The following MYLK4 variants were observed in gnomAD, a reference collection of about 807,000 sequenced individuals.
The protein encoded by MYLK4 is myosin light chain kinase family member 4.
Under a neutral mutation model 48.1 loss-of-function variants are expected in MYLK4, and 46 were observed. That is an observed-to-expected ratio of 0.96 (90% confidence interval 0.75 to 1.22). The LOEUF is 1.22. MYLK4 is among the 50% of genes most tolerant of loss of function. The probability of loss-of-function intolerance (pLI) is 0.00; values close to 1 mark genes in which losing one functional copy is unlikely to be tolerated. For missense variants in MYLK4, 451 were observed against 486.1 expected, an observed-to-expected ratio of 0.93 and a Z score of 0.68; for synonymous variants, 170 against 180.8, an observed-to-expected ratio of 0.94 and a Z score of 0.48.
At chr6:2,745,971 G>A (rs1193755456) in intron 2 of MYLK4, among the ~76,000 whole-genome samples, 1 of 151,094 alleles carries the variant, frequency 6.6e-6, no homozygotes. Flanking sequence ...AAAAGAACAA[G>A]GCCGGGCACG....
chr6:2,730,986 T>A (rs1199714986), intron 2 of MYLK4, among the ~76,000 whole-genome samples: 2 of 152,092 alleles, frequency 1.3e-5, no homozygotes, highest in African/African-American at 4.8e-5. Flanking sequence ...GCATCCTGCA[T>A]TAAAATTTAT....
chr6:2,684,918 C>T (rs1274761152), intron 6 of MYLK4, among the ~76,000 whole-genome samples: 1 of 152,190 alleles, frequency 6.6e-6, no homozygotes, highest in African/African-American at 2.4e-5. Flanking sequence ...TAAATGGAAG[C>T]TTCTTAGCCC....
At chr6:2,719,553 T>G (rs1762993900) in intron 2 of MYLK4, among the ~76,000 whole-genome samples, 1 of 152,228 alleles carries the variant, frequency 6.6e-6, no homozygotes, top group Admixed American at 6.5e-5. Flanking sequence ...ATGTGTGGCA[T>G]TTTATAGCCC....
rs912625374 is a variant in MYLK4 at position 2,750,841 on chromosome 6, C to G, written c.-218G>C. ...GAATTCAAACTGACTATGAAAGTCT[C>G]TGGTAAAAGTTTTGACTCTCAGTCG... is the stretch of plus-strand genomic sequence containing the variant. On this transcript the variant is annotated 5_prime_UTR_variant, in exon 1 of 13. Coordinates refer to ENST00000274643, the MANE Select transcript of MYLK4 (RefSeq NM_001012418.5). 2.6e-5 allele frequency: 4 copies of G among 152,614 alleles called. No homozygotes were observed. Among genetic ancestry groups the G allele is most frequent in the Non-Finnish European group, 4.4e-5 (3 of 68,042 alleles). The allele number at this position is 152,614 out of a possible 1,614,324, so 9.5% of individuals were successfully genotyped here.
chr6:2,742,730 A>C (rs1290526589), intron 2 of MYLK4, among the ~76,000 whole-genome samples: 1 of 76,830 alleles, frequency 1.3e-5, no homozygotes. Flanking sequence ...GGGTGGGGGG[A>C]GGGGGGAGGG....
At chr6:2,738,718 A>G (rs1033822637) in intron 2 of MYLK4, among the ~76,000 whole-genome samples, 1 of 152,266 alleles carries the variant, frequency 6.6e-6, no homozygotes. Flanking sequence ...TCATTAAAAC[A>G]TACTTCAGAT....
chr6:2,680,823 T>C (rs540295634), intron 7 of MYLK4, among the ~76,000 whole-genome samples: 43 of 152,306 alleles, frequency 2.8e-4, no homozygotes, highest in Middle Eastern at 3.4e-3. Flanking sequence ...AGGAGGGCTT[T>C]TCTCTCCAGT....
Position 2,685,605 on chromosome 6 carries a change from G to A in MYLK4, c.342-29C>T, listed in dbSNP as rs1395001409. 1 of 1,608,380 alleles carries A rather than the reference G, an allele frequency of 6.2e-7. No individual in the cohort carries two copies. Among genetic ancestry groups the A allele is most frequent in the Non-Finnish European group, 8.5e-7 (1 of 1,175,312 alleles). The stretch of plus-strand genomic sequence containing the variant: ...CCAAAAAGAGGAAGCGGCGTAGCAT[G>A]AGGCCCTGTGGTCAGCTGCCGAGTG... On this transcript the variant is annotated intron_variant, in intron 4 of 12. Coordinates refer to ENST00000274643, the MANE Select transcript of MYLK4 (RefSeq NM_001012418.5). This position sits in a 1 kb window ranked among gnomAD's most constrained non-coding sequence, Gnocchi z 4.5.
the MYLK4 span, among the ~76,000 whole-genome samples, chr6:2,763,944 C>G: frequency 3.3e-5 from 5 of 151,866 alleles, no homozygotes; most frequent in African/African-American, 9.7e-5. Flanking sequence ...GTCGGGAGTT[C>G]GAGGAAGAAA....
intron 2 of MYLK4, among the ~76,000 whole-genome samples, chr6:2,732,112 T>C (rs1418814534): frequency 6.6e-6 from 1 of 152,232 alleles, no homozygotes; most frequent in African/African-American, 2.4e-5. Flanking sequence ...TATGCTGGCC[T>C]TTGGCCAGCC....
chr6:2,724,071 T>C (rs143936852), intron 2 of MYLK4, among the ~76,000 whole-genome samples: 2,448 of 151,868 alleles, frequency 0.016, 56 homozygotes, highest in African/African-American at 0.055. Context: ...AGAGACGGGG[T>C]TTCACCATGT....
At chr6:2,759,243 C>T in the MYLK4 span, among the ~76,000 whole-genome samples, 1 of 152,136 alleles carries the variant, frequency 6.6e-6, no homozygotes, top group East Asian at 1.9e-4. Flanking sequence ...GTGAGGACCA[C>T]TGGTGCACAA....
At chr6:2,769,240 T>C in the MYLK4 span, among the ~76,000 whole-genome samples, 3 of 152,216 alleles carry the variant, frequency 2.0e-5, no homozygotes. Context: ...TTTTAAAAAT[T>C]ACTTTAACAG....
At chr6:2,726,858 C>T (rs1189808238) in intron 2 of MYLK4, among the ~76,000 whole-genome samples, 1 of 152,094 alleles carries the variant, frequency 6.6e-6, no homozygotes, top group African/African-American at 2.4e-5. Context: ...GGTGATCCAC[C>T]ACCTCAGCCT....
At chr6:2,677,681 G>A (rs1478935772) in intron 10 of MYLK4, among the ~76,000 whole-genome samples, 2 of 152,204 alleles carry the variant, frequency 1.3e-5, no homozygotes, top group African/African-American at 4.8e-5. Flanking sequence ...TGGGGAAGGA[G>A]AACTATCTGT....
At chr6:2,767,608 C>G in the MYLK4 span, among the ~76,000 whole-genome samples, 3 of 152,228 alleles carry the variant, frequency 2.0e-5, no homozygotes, top group Admixed American at 6.5e-5. Flanking sequence ...CGTCTGTCCC[C>G]ATGGATTTAG....
the MYLK4 span, chr6:2,766,039 G>T: frequency 3.1e-6 from 4 of 1,303,422 alleles, no homozygotes; most frequent in African/African-American, 1.5e-5. Context: ...GGAAGGGGTC[G>T]GGGAAGAGGC....
intron 2 of MYLK4, among the ~76,000 whole-genome samples, chr6:2,711,945 G>C (rs150233792): frequency 6.6e-6 from 1 of 152,304 alleles, no homozygotes; most frequent in East Asian, 1.9e-4. Context: ...AGGTGCTTCT[G>C]TAAAGATGTA....
chr6:2,704,065 G>C (rs927181930), intron 2 of MYLK4, among the ~76,000 whole-genome samples: 2 of 152,136 alleles, frequency 1.3e-5, no homozygotes, highest in African/African-American at 2.4e-5. Context: ...TGAATGATTT[G>C]TTTGCATTTC....
Sources: gnomAD v4.1 joint callset for allele counts (sites outside exome capture counted in the v4.1 genomes callset) on GRCh38, gnomAD v4.1.1 for gene constraint, Gnocchi (gnomAD v3.1) non-coding constraint, MANE v1.5 for transcripts, NCBI Gene and HGNC (gene_info 2026-07-23, HGNC 2026-07-21) for gene names.